Variants in PCDHA3 observed in about 807,000 individuals in gnomAD.
PCDHA3 encodes the protein protocadherin alpha-3.
In PCDHA3, 41 loss-of-function variants were observed where a neutral mutation model predicts 62.2. The observed-to-expected ratio is 0.66, with a 90% CI of 0.51 to 0.86. The LOEUF is 0.86. Ranked by LOEUF, PCDHA3 falls within the 40% of genes least tolerant of loss-of-function variation. PCDHA3 has a pLI of 0.00. For synonymous variants in PCDHA3, 640 were observed against 555.4 expected (o/e 1.15, Z -2.14); for missense variants, 1,304 against 1,241.2 (o/e 1.05, Z -0.76).
chr5:140,861,234 C>T (rs868927537), intron 1 of PCDHA3: 7 of 166,456 alleles, frequency 4.2e-5, no homozygotes, highest in Middle Eastern at 2.9e-3. Context: ...ATTTTAGCTG[C>T]TAGACAAAGT....
At chr5:141,001,971 G>C (rs1240624295) in intron 3 of PCDHA3, among the ~76,000 whole-genome samples, 2 of 152,186 alleles carry the variant, frequency 1.3e-5, no homozygotes, top group Admixed American at 1.3e-4. Flanking sequence ...GGGTGTCTCT[G>C]CGCGGAAAGC....
At chr5:140,967,239 G>C in intron 1 of PCDHA3, 1 of 1,613,672 alleles carries the variant, frequency 6.2e-7, no homozygotes, top group Non-Finnish European at 8.5e-7. Flanking sequence ...CTTCAGGTAA[G>C]CGAATCGGTG....
intron 3 of PCDHA3, among the ~76,000 whole-genome samples, chr5:140,986,633 C>T (rs566373023): frequency 5.9e-5 from 9 of 152,266 alleles, no homozygotes; most frequent in Admixed American, 3.3e-4. Context: ...GGCAACAGTA[C>T]ATTAGTTTTA....
Position 140,882,483 on chromosome 5 carries a change from G to C in PCDHA3, c.2394+78892G>C. ...TTCCGGGTGGCGTCCAAAAGACACG[G>C]GGACCTTCTGGAGGTAAATCTGCAG... On this transcript the variant is annotated intron_variant, in intron 1 of 3. Coordinates refer to ENST00000522353, the MANE Select transcript of PCDHA3 (RefSeq NM_018906.3). 2 of 1,614,080 alleles carry C rather than the reference G, an allele frequency of 1.2e-6. No individual in the cohort carries two copies. Among genetic ancestry groups the C allele is most frequent in the Non-Finnish European group, 1.7e-6 (2 of 1,180,052 alleles).
intron 1 of PCDHA3, among the ~76,000 whole-genome samples, chr5:140,952,338 CAAAA>C (rs55931446): frequency 9.9e-4 from 134 of 134,976 alleles, no homozygotes; most frequent in Admixed American, 2.2e-3. Context: ...AACTCCATCT[CAAAA>C]AAAAAAAAAA....
chr5:140,871,489 G>C (rs782277615), intron 1 of PCDHA3: 1 of 1,590,138 alleles, frequency 6.3e-7, no homozygotes, highest in Non-Finnish European at 8.6e-7. Context: ...AAATCACCCC[G>C]GACAGGTGAG....
At chr5:140,867,674 T>C (rs1450203824) in intron 1 of PCDHA3, 1 of 152,128 alleles carries the variant, frequency 6.6e-6, no homozygotes, top group Non-Finnish European at 1.5e-5. Flanking sequence ...CTCTAAAATT[T>C]TGTTGCATCT....
At chr5:140,967,492 G>C in intron 1 of PCDHA3, 1 of 1,613,380 alleles carries the variant, frequency 6.2e-7, no homozygotes, top group Non-Finnish European at 8.5e-7. Flanking sequence ...GTACGGCACA[G>C]ATCTCTGTGC....
At position 140,809,241 on chromosome 5, in the gene PCDHA3, G is replaced by A. The variant is rs1241553010; in HGVS notation, c.2394+5650G>A. ...AAGGCCTCCTCACGGGCGTTGGTGG[G>A]CGCTGTGGGTCCCGATGCTGCGCTG... On this transcript the variant is annotated intron_variant, in intron 1 of 3. Transcript: ENST00000522353. 3 of 1,613,960 alleles carry A rather than the reference G, an allele frequency of 1.9e-6. No individual in the cohort carries two copies. The Admixed American group carries it at 5.0e-5, about 27-fold the overall frequency.
chr5:140,884,060 G>C (rs781956914), intron 1 of PCDHA3: 4 of 1,613,548 alleles, frequency 2.5e-6, no homozygotes, highest in Non-Finnish European at 3.4e-6. Context: ...GCGCGCGGTG[G>C]ACGCCGATTC....
intron 1 of PCDHA3, chr5:140,823,276 C>A: frequency 6.2e-7 from 1 of 1,612,170 alleles, no homozygotes; most frequent in Non-Finnish European, 8.5e-7. Context: ...GGTGGGCGAG[C>A]GCCCGCTGTC....
intron 1 of PCDHA3, among the ~76,000 whole-genome samples, chr5:140,890,820 G>T (rs945332484): frequency 1.3e-5 from 2 of 152,080 alleles, no homozygotes; most frequent in East Asian, 3.9e-4. Flanking sequence ...TGTTTTAAAT[G>T]TACTTACATA....
chr5:140,848,357 T>C (rs2150409370), intron 1 of PCDHA3: 16 of 1,035,266 alleles, frequency 1.5e-5, no homozygotes, highest in African/African-American at 1.1e-4. Context: ...CCTTTTCCCA[T>C]GGGAAAGAGG....
At chr5:140,967,870 G>T in intron 1 of PCDHA3, 1 of 1,614,152 alleles carries the variant, frequency 6.2e-7, no homozygotes, top group Non-Finnish European at 8.5e-7. Flanking sequence ...TGGTGCTCAC[G>T]GACCTGTATA....
At chr5:140,912,220 C>T (rs1360868463) in intron 1 of PCDHA3, among the ~76,000 whole-genome samples, 1 of 151,800 alleles carries the variant, frequency 6.6e-6, no homozygotes, top group African/African-American at 2.4e-5. Flanking sequence ...ATCTGCCTTT[C>T]CCAGTCCACT....
intron 1 of PCDHA3, among the ~76,000 whole-genome samples, chr5:140,965,464 C>T (rs987279720): frequency 1.3e-5 from 2 of 151,782 alleles, no homozygotes; most frequent in Admixed American, 1.3e-4. Context: ...AAGATAAATC[C>T]CAGACTCCCA....
At position 140,978,793 on chromosome 5, in the gene PCDHA3, A is replaced by G. The variant is rs1241254692; in HGVS notation, c.2395-156A>G. 4.1e-6 allele frequency: 4 copies of G among 977,674 alleles called. No individual in the cohort carries two copies. In the African/African-American group the frequency reaches 7.0e-5, roughly 17 times the overall value. The allele number at this position is 977,674 out of a possible 1,614,324, so 60.6% of individuals were successfully genotyped here. On this transcript the variant is annotated intron_variant, in intron 1 of 3. Coordinates refer to ENST00000522353, the MANE Select transcript of PCDHA3 (RefSeq NM_018906.3). ...CTAATTTTCTTCTAAAGTGCTATAT[A>G]TGTAGATATCATCATAGAGTTACAC... is the stretch of plus-strand genomic sequence containing the variant.
At chr5:141,002,312 C>T (rs1171531371) in intron 3 of PCDHA3, among the ~76,000 whole-genome samples, 1 of 152,230 alleles carries the variant, frequency 6.6e-6, no homozygotes, top group East Asian at 1.9e-4. Flanking sequence ...GGGGCCGAAA[C>T]CTGGAGGCCG....
chr5:140,930,084 A>T (rs1350674790), intron 1 of PCDHA3: 2 of 152,142 alleles, frequency 1.3e-5, no homozygotes, highest in Non-Finnish European at 2.9e-5. Flanking sequence ...CTCTCATAAC[A>T]TCTATTTATA....
Sources: allele counts gnomAD v4.1 joint callset (sites outside exome capture counted in the v4.1 genomes callset), GRCh38; gene constraint gnomAD v4.1.1; transcripts MANE v1.5; gene names NCBI Gene and HGNC (gene_info 2026-07-23, HGNC 2026-07-21).